PRH1: variants seen among roughly 807,000 people sequenced by gnomAD.
PRH1 encodes salivary acidic proline-rich phosphoprotein 1/2.
A neutral mutation model predicts 7.9 loss-of-function variants in PRH1; 7 were observed. The ratio of observed to expected loss-of-function variants is 0.89; its 90% confidence interval spans 0.50 to 1.67. The LOEUF is 1.67. Among genes scored for constraint, PRH1 ranks in the 40% most tolerant of loss-of-function variants. The pLI, the probability that PRH1 is intolerant of heterozygous loss-of-function variation, is 0.00. For synonymous variants in PRH1, 45 were observed against 80.8 expected, an observed-to-expected ratio of 0.56 and a Z score of 2.38; for missense variants, 109 against 223.6, an observed-to-expected ratio of 0.49 and a Z score of 3.27.
At chr12:10,938,448 A>G (rs750639763) in intron 2 of PRH1, 2 of 1,614,070 alleles carry the variant, frequency 1.2e-6, no homozygotes, top group South Asian at 2.2e-5. Flanking sequence ...AACCTTTCAG[A>G]GGTCCAAACT....
intron 2 of PRH1, chr12:10,892,036 T>C (rs918233436): frequency 5.3e-5 from 8 of 152,212 alleles, no homozygotes; most frequent in African/African-American, 1.9e-4. Flanking sequence ...TGACCTGGTC[T>C]TGGGCAAAGT....
intron 2 of PRH1, among the ~76,000 whole-genome samples, chr12:10,916,834 GCC>G (rs975118103): frequency 2.0e-5 from 3 of 151,882 alleles, no homozygotes; most frequent in African/African-American, 7.3e-5. Flanking sequence ...GATATCTTGA[GCC>G]CAGGAGTTTG....
At chr12:10,927,232 C>G (rs1252353109) in intron 2 of PRH1, among the ~76,000 whole-genome samples, 1 of 152,158 alleles carries the variant, frequency 6.6e-6, no homozygotes, top group East Asian at 1.9e-4. Flanking sequence ...TCTCCGTTAC[C>G]CACATCATCA....
downstream of PRH1, among the ~76,000 whole-genome samples, chr12:11,120,229 T>C (rs1945855090): frequency 6.6e-6 from 1 of 152,188 alleles, no homozygotes; most frequent in South Asian, 2.1e-4. Flanking sequence ...GAAAAGAGTA[T>C]CTTTGCCTAA....
At chr12:10,913,060 A>G (rs148809674) in intron 2 of PRH1, among the ~76,000 whole-genome samples, 8 of 152,282 alleles carry the variant, frequency 5.3e-5, no homozygotes, top group African/African-American at 1.9e-4. Context: ...TACTTTACAT[A>G]TTTTGATGCC....
intron 2 of PRH1, among the ~76,000 whole-genome samples, chr12:10,924,813 T>C (rs949388979): frequency 2.6e-5 from 4 of 152,230 alleles, no homozygotes; most frequent in Non-Finnish European, 5.9e-5. Flanking sequence ...TTTTCTCTGA[T>C]GGTAGTTTGT....
intron 2 of PRH1, among the ~76,000 whole-genome samples, chr12:10,905,294 G>A (rs1949787362): frequency 6.6e-6 from 1 of 151,238 alleles, no homozygotes; most frequent in East Asian, 1.9e-4. Flanking sequence ...CTACCAGAAA[G>A]ACACATGTAC....
intron 1 of PRH1, chr12:10,996,919 A>C: frequency 6.5e-7 from 1 of 1,548,042 alleles, no homozygotes; most frequent in Non-Finnish European, 8.7e-7. Context: ...TTTCTGCTAG[A>C]AAACACACAA....
intron 1 of PRH1, among the ~76,000 whole-genome samples, chr12:11,065,357 T>A (rs997775798): frequency 6.6e-6 from 1 of 151,188 alleles, no homozygotes; most frequent in African/African-American, 2.4e-5. Flanking sequence ...CTGATACACT[T>A]TACCACTTTT....
chr12:11,011,629 T>C (rs544024518), intron 1 of PRH1, among the ~76,000 whole-genome samples: 2 of 152,234 alleles, frequency 1.3e-5, no homozygotes, highest in African/African-American at 4.8e-5. Flanking sequence ...TAAACTGTCA[T>C]ATGGAACTTG....
intron 2 of PRH1, among the ~76,000 whole-genome samples, chr12:10,914,340 T>C (rs1469947415): frequency 6.6e-6 from 1 of 152,210 alleles, no homozygotes; most frequent in Non-Finnish European, 1.5e-5. Flanking sequence ...GGGAGTAATA[T>C]TGCAATGAGA....
chr12:11,126,823 A>T (rs796257114), intron 1 of PRH1, among the ~76,000 whole-genome samples: 4 of 120,048 alleles, frequency 3.3e-5, no homozygotes, highest in Non-Finnish European at 5.7e-5. Flanking sequence ...TTAACAACTC[A>T]TTAAAAGGAC....
chr12:10,909,137 G>GA, intron 2 of PRH1: 2 of 1,613,864 alleles, frequency 1.2e-6, no homozygotes. Flanking sequence ...GCCCAATTCT[G>GA]GAGATTGCCA....
chr12:11,054,615 T>A (rs1390797522), intron 1 of PRH1, among the ~76,000 whole-genome samples: 2 of 152,212 alleles, frequency 1.3e-5, no homozygotes. Flanking sequence ...AAAATGGGCA[T>A]AATTATTTCA....
At chr12:11,000,223 G>A (rs1264552238) in intron 1 of PRH1, among the ~76,000 whole-genome samples, 3 of 151,886 alleles carry the variant, frequency 2.0e-5, no homozygotes, top group African/African-American at 4.8e-5. Context: ...TCAGCAAGAC[G>A]CTATTATTTT....
chr12:10,942,984 G>T (rs1950427265), intron 2 of PRH1, among the ~76,000 whole-genome samples: 1 of 152,158 alleles, frequency 6.6e-6, no homozygotes, highest in Non-Finnish European at 1.5e-5. Flanking sequence ...TTTCCCAGGG[G>T]AGGTTGTGTT....
intron 2 of PRH1, among the ~76,000 whole-genome samples, chr12:10,915,843 C>T (rs920870177): frequency 7.2e-5 from 11 of 152,174 alleles, no homozygotes; most frequent in Admixed American, 2.0e-4. Context: ...CGCGTTCCCT[C>T]GGTAGAGCTC....
intron 1 of PRH1, among the ~76,000 whole-genome samples, chr12:10,982,601 T>A (rs957143550): frequency 2.6e-5 from 4 of 152,230 alleles, no homozygotes; most frequent in Non-Finnish European, 4.4e-5. Flanking sequence ...TCACTTCTGC[T>A]TTCAGTTTAA....
At chr12:11,057,862 G>A (rs970007767) in intron 1 of PRH1, among the ~76,000 whole-genome samples, 6 of 152,232 alleles carry the variant, frequency 3.9e-5, no homozygotes, top group Admixed American at 3.9e-4. Flanking sequence ...AAGAATAATA[G>A]CACTGCTTCA....
Sources: gnomAD v4.1 joint callset for allele counts (sites outside exome capture counted in the v4.1 genomes callset) on GRCh38, gnomAD v4.1.1 for gene constraint, MANE v1.5 for transcripts, NCBI Gene and HGNC (gene_info 2026-07-23, HGNC 2026-07-21) for gene names.